The following OR4E2 variants were observed in gnomAD, a reference collection of about 807,000 sequenced individuals.
OR4E2 encodes the protein olfactory receptor family 4 subfamily E member 2, also known as olfactory receptor 4E2.
A neutral mutation model predicts 11.0 loss-of-function variants in OR4E2; 9 were observed. The observed-to-expected ratio is 0.82, with a 90% CI of 0.49 to 1.43. OR4E2 has a LOEUF of 1.43. Among genes scored for constraint, OR4E2 ranks in the 40% most tolerant of loss-of-function variants. The pLI is 0.00. For missense variants in OR4E2, 441 were observed against 382.0 expected, an observed-to-expected ratio of 1.15 and a Z score of -1.29; for synonymous variants, 159 against 147.3, an observed-to-expected ratio of 1.08 and a Z score of -0.57.
At position 21,665,598 on chromosome 14, in the gene OR4E2, C is replaced by T. The variant is rs1040182251; in HGVS notation, c.516C>T (p.Asn172=). The T allele has an allele frequency of 6.2e-6, 10 of 1,613,942 alleles. No individual in the cohort carries two copies. The highest frequency in any genetic ancestry group is 3.3e-5 in the Admixed American group (2 of 59,998). The change falls in exon 4 of 4, where the codon AAC becomes AAT. Residue 172 remains asparagine (N), a synonymous_variant. Transcript: ENST00000641524. ...LTIRLPYCGP[N]IIDSYFCDVP... ...TTCGTCTACCTTACTGTGGCCCCAA[C>T]ATTATTGACAGCTACTTCTGTGATG...
chr14:21,656,195 C>CA (rs1422109140), intron 1 of OR4E2, among the ~76,000 whole-genome samples: 9 of 148,456 alleles, frequency 6.1e-5, no homozygotes, highest in South Asian at 2.1e-4. Flanking sequence ...AAGCAATGAA[C>CA]AAAAAAACAA....
At chr14:21,655,561 C>T (rs1879894826) in intron 1 of OR4E2, among the ~76,000 whole-genome samples, 2 of 151,946 alleles carry the variant, frequency 1.3e-5, no homozygotes, top group African/African-American at 4.8e-5. Context: ...TAGTCCCAGC[C>T]ACTGGGAACG....
chr14:21,656,586 A>G lies in OR4E2; in HGVS notation c.-106A>G, dbSNP rs1211501504. ...AAGCATCCCTGCACAACTGGAGAAA[A>G]CTGGTAAGTTTTACCACTACCTGCG... On this transcript the variant is annotated 5_prime_UTR_variant, in exon 2 of 4. Coordinates refer to ENST00000641524, the MANE Select transcript of OR4E2 (RefSeq NM_001001912.3). The G allele has an allele frequency of 2.6e-5, 4 of 152,164 alleles. No individual in the cohort carries two copies. The highest frequency in any genetic ancestry group is 9.7e-5 in the African/African-American group (4 of 41,444). 9.4% of individuals were successfully genotyped at this position (152,164 alleles called of 1,614,324 possible).
rs758558723 is a variant in OR4E2 at position 21,665,173 on chromosome 14, T to G, written c.91T>G (p.Phe31Val). ...RVLEMLFFMA[F>V]SAIYMLTLSG... ...GCTGGAAATGCTGTTTTTCATGGCA[T>G]TCTCAGCCATTTATATGCTAACGCT... Residue 31 changes from phenylalanine (F) to valine (V), a missense_variant, in exon 4 of 4, where the codon TTC (phenylalanine) becomes GTC (valine). Phe to Val is a conservative substitution (Grantham distance 50). Coordinates refer to ENST00000641524, the MANE Select transcript of OR4E2 (RefSeq NM_001001912.3). 6.2e-7 allele frequency: 1 copy of G among 1,613,894 alleles called. No individual in the cohort carries two copies. The highest frequency in any genetic ancestry group is 1.1e-5 in the South Asian group (1 of 91,070).
intron 1 of OR4E2, among the ~76,000 whole-genome samples, chr14:21,655,991 G>A (rs539964414): frequency 9.2e-5 from 14 of 151,882 alleles, no homozygotes; most frequent in Non-Finnish European, 1.8e-4. Flanking sequence ...TTAAAAAGGC[G>A]AAACCGCTGG....
intron 3 of OR4E2, among the ~76,000 whole-genome samples, chr14:21,662,502 A>G (rs527492990): frequency 3.4e-4 from 51 of 152,188 alleles, no homozygotes; most frequent in African/African-American, 1.2e-3. Flanking sequence ...AGGTTTCACC[A>G]TATTGGTCTG....
chr14:21,665,288 T>C lies in OR4E2; in HGVS notation c.206T>C (p.Ile69Thr). The change falls in exon 4 of 4, where the codon ATT (isoleucine) becomes ACT (threonine). Residue 69 changes from isoleucine to threonine, a missense_variant. Physicochemically the swap from Ile to Thr is moderately conservative, Grantham distance 89. Transcript: ENST00000641524. The part of the protein sequence containing the change: ...MYFFLSNLSF[I>T]DICHSSVTVP... ...TTCTTCCTGAGCAATCTGTCCTTTATTGACATCTGCCACTCATCTGTCACT... is the reference window on the plus strand; with the variant it reads ...TTCTTCCTGAGCAATCTGTCCTTTACTGACATCTGCCACTCATCTGTCACT... 1.2e-6 allele frequency: 2 copies of C among 1,614,080 alleles called. No homozygotes were observed. The highest frequency in any genetic ancestry group is 1.7e-6 in the Non-Finnish European group (2 of 1,179,930).
chr14:21,657,420 TTC>T lies in OR4E2; in HGVS notation c.-103+835_-103+836del, dbSNP rs1185605698. On this transcript the variant is annotated intron_variant, in intron 2 of 3. Coordinates refer to ENST00000641524, the MANE Select transcript of OR4E2 (RefSeq NM_001001912.3). ...TTCCTTCCTTCCTTTCTTTCTTTCT[TTC>T]TCTTTCTTTCTTCTTTCTTTCCTTC... is the stretch of plus-strand genomic sequence containing the variant. Among the ~76,000 whole-genome samples the T allele has an allele frequency of 1.3e-3, 192 of 146,266 alleles. 4 individuals are homozygous for T. The highest frequency in any genetic ancestry group is 9.4e-4 in the Non-Finnish European group (62 of 65,832).
Position 21,665,244 on chromosome 14 carries a change from T to A in OR4E2, c.162T>A (p.Ser54Arg), listed in dbSNP as rs1880569694. 4 of 1,614,116 alleles carry A rather than the reference T, an allele frequency of 2.5e-6. No homozygotes were observed. The highest frequency in any genetic ancestry group is 3.4e-6 in the Non-Finnish European group (4 of 1,179,988). Reference protein sequence around the residue: ...LIIIATVFTPSLHTPMYFFLS... With the variant: ...LIIIATVFTPRLHTPMYFFLS... ...TCATTGCCACAGTCTTTACTCCAAG[T>A]CTCCATACCCCCATGTATTTCTTCC... Residue 54 changes from serine to arginine, a missense_variant, in exon 4 of 4, where the codon AGT becomes AGA. Physicochemically the swap from Ser to Arg is moderately radical, Grantham distance 110. Coordinates refer to ENST00000641524, the MANE Select transcript of OR4E2 (RefSeq NM_001001912.3).
chr14:21,657,427 T>C (rs1594543382), intron 2 of OR4E2, among the ~76,000 whole-genome samples: 1 of 141,966 alleles, frequency 7.0e-6, no homozygotes, highest in East Asian at 2.1e-4. Context: ...TCTTTCTCTT[T>C]CTTTCTTCTT....
intron 3 of OR4E2, among the ~76,000 whole-genome samples, chr14:21,662,149 C>T (rs867841660): frequency 2.0e-5 from 3 of 151,808 alleles, no homozygotes; most frequent in South Asian, 2.1e-4. Flanking sequence ...TATATCTTTG[C>T]TCATTTTTAA....
At chr14:21,655,636 G>T (rs1879900127) in intron 1 of OR4E2, among the ~76,000 whole-genome samples, 1 of 152,116 alleles carries the variant, frequency 6.6e-6, no homozygotes. Flanking sequence ...TTGCACCATT[G>T]TATTACAGCC....
chr14:21,660,938 T>C (rs971805449), intron 3 of OR4E2, among the ~76,000 whole-genome samples, 192 bp downstream of exon 3: 6 of 152,208 alleles, frequency 3.9e-5, no homozygotes, highest in Admixed American at 2.0e-4. Flanking sequence ...ACTTATGATA[T>C]AATACTGAGT....
chr14:21,664,613 A>C (rs921413972), intron 3 of OR4E2, among the ~76,000 whole-genome samples: 2 of 152,172 alleles, frequency 1.3e-5, no homozygotes, highest in East Asian at 3.9e-4. Flanking sequence ...ATTAATAGGG[A>C]GAATAAAAGG....
rs1468995411 is a variant in OR4E2 at position 21,665,160 on chromosome 14, G to A, written c.78G>A (p.Leu26=). The A allele has an allele frequency of 1.9e-6, 3 of 1,613,834 alleles. No homozygotes were observed. The highest frequency in any genetic ancestry group is 2.2e-5 in the South Asian group (2 of 91,078). Residue 26 remains leucine, a synonymous_variant, in exon 4 of 4, where the codon CTG becomes CTA. Transcript: ENST00000641524. ...CTGATAACCGGGTGCTGGAAATGCT[G>A]TTTTTCATGGCATTCTCAGCCATTT... is the stretch of plus-strand genomic sequence containing the variant. ...GLTDNRVLEM[L]FFMAFSAIYM...
rs1472177399 is a variant in OR4E2, at chr14:21,666,817, G to A, written c.*793G>A. ...AGTGATTCTCCTGCCTCAGCCTCCTGAATAGCTGGGACTATAGGTGCATGC... is the reference window on the plus strand; with the variant it reads ...AGTGATTCTCCTGCCTCAGCCTCCTAAATAGCTGGGACTATAGGTGCATGC... On this transcript the variant is annotated 3_prime_UTR_variant, in exon 4 of 4. Transcript: ENST00000641524. 2 of 151,192 alleles carry A rather than the reference G, an allele frequency of 1.3e-5. No homozygotes were observed. Among genetic ancestry groups the A allele is most frequent in the Non-Finnish European group, 1.5e-5 (1 of 67,926 alleles). The allele number at this position is 151,192 out of a possible 1,614,324, so 9.4% of individuals were successfully genotyped here.
intron 3 of OR4E2, among the ~76,000 whole-genome samples, chr14:21,661,358 A>G (rs1594547099): frequency 6.6e-6 from 1 of 152,354 alleles, no homozygotes; most frequent in East Asian, 1.9e-4. Flanking sequence ...ATGCATACAC[A>G]CACAAATCTT....
chr14:21,657,477 TTCCTTCCTTCCTTC>T, intron 2 of OR4E2, among the ~76,000 whole-genome samples: 1 of 117,958 alleles, frequency 8.5e-6, no homozygotes, highest in African/African-American at 3.1e-5. Flanking sequence ...CCTTCCTTCC[TTCCTTCCTTCCTTC>T]CTTCCTTCCT....
chr14:21,657,379 TTCCTTC>T (rs1190330157), intron 2 of OR4E2, among the ~76,000 whole-genome samples: 19 of 147,854 alleles, frequency 1.3e-4, no homozygotes, highest in East Asian at 7.9e-4. Context: ...CCTTCCTTCC[TTCCTTC>T]CTTTCTTTCT....
Sources: gnomAD v4.1 joint callset for allele counts (sites outside exome capture counted in the v4.1 genomes callset) on GRCh38, gnomAD v4.1.1 for gene constraint, MANE v1.5 for transcripts, NCBI Gene and HGNC (gene_info 2026-07-23, HGNC 2026-07-21) for gene names.